MUC5B: variants seen among roughly 807,000 people sequenced by gnomAD.
MUC5B encodes mucin 5B, oligomeric mucus/gel-forming.
In MUC5B, 116 loss-of-function variants were observed where a neutral mutation model predicts 376.9. The ratio of observed to expected loss-of-function variants is 0.31; its 90% CI spans 0.26 to 0.36. MUC5B has a LOEUF of 0.36. MUC5B is among the 10% of genes least tolerant of loss of function. MUC5B has a pLI of 1.00. For synonymous variants in MUC5B, 3,517 were observed against 3,390.9 expected (o/e 1.04, Z -1.29); for missense variants, 7,165 against 7,769.9 (o/e 0.92, Z 2.93).
chr11:1,250,719 C>T lies in MUC5B; in HGVS notation c.13839C>T (p.Leu4613=), dbSNP rs762674347. 1 of 1,612,326 alleles carries T rather than the reference C, an allele frequency of 6.2e-7. No homozygotes were observed. Among genetic ancestry groups the T allele is most frequent in the Admixed American group, 1.7e-5 (1 of 59,978 alleles). ...CCTCCTCCAGCCCAGGGACGGCACTCACGCCTCCAGTGTGGATCAGCACAA... is the reference window on the plus strand; with the variant it reads ...CCTCCTCCAGCCCAGGGACGGCACTTACGCCTCCAGTGTGGATCAGCACAA... ...ATPSSSPGTA[L]TPPVWISTTT... The change falls in exon 31 of 49, where the codon CTC becomes CTT. Residue 4613 remains leucine, a synonymous_variant. Coordinates refer to ENST00000529681, the MANE Select transcript of MUC5B (RefSeq NM_002458.3).
rs2943531 is a variant in MUC5B, at chr11:1,246,730, A to G, written c.9850A>G (p.Thr3284Ala). 1,211,578 of 1,591,676 alleles carry G rather than the reference A, an allele frequency of 0.76. 475,772 individuals are homozygous for G. Among genetic ancestry groups the G allele is most frequent in the East Asian group, 0.98 (43,645 of 44,610 alleles). Residue 3284 changes from threonine to alanine, a missense_variant, in exon 31 of 49, where the codon ACC (threonine) becomes GCC (alanine). This residue lies in a region of MUC5B where 939 missense variants were observed against 770.6 expected (regional missense o/e 1.22). Transcript: ENST00000529681. ...VHTSTVLTTT[T>A]TTTRATGSVA... Reference sequence around the variant, plus strand: ...CACCTCCACAGTGCTTACCACCACGACCACCACAACCAGGGCCACCGGCTC... The same window carrying G: ...CACCTCCACAGTGCTTACCACCACGGCCACCACAACCAGGGCCACCGGCTC...
In MUC5B at chr11:1,246,717, G is replaced by A. The variant is rs1284279535; in HGVS notation, c.9837G>A (p.Val3279=). Residue 3279 remains valine (V), a synonymous_variant, in exon 31 of 49, where the codon GTG becomes GTA. Coordinates refer to ENST00000529681, the MANE Select transcript of MUC5B (RefSeq NM_002458.3). The part of the protein sequence containing the change: ...STPETVHTST[V]LTTTTTTTRA... ...CAGAGACTGTCCACACCTCCACAGT[G>A]CTTACCACCACGACCACCACAACCA... 3 of 1,609,322 alleles carry A rather than the reference G, an allele frequency of 1.9e-6. No individual in the cohort carries two copies. The highest frequency in any genetic ancestry group is 1.7e-5 in the Admixed American group (1 of 59,872).
rs553728081 is a variant in MUC5B at position 1,261,573 on chromosome 11, C to A, written c.17254C>A (p.Arg5752Ser). 1.9e-6 allele frequency: 3 copies of A among 1,607,608 alleles called. No individual in the cohort carries two copies. The highest frequency in any genetic ancestry group is 4.5e-5 in the East Asian group (2 of 44,626). ...VPAPMAPPHTRGFPAQEATAV is the reference protein window; with the variant it reads ...VPAPMAPPHTSGFPAQEATAV ...TGCGCCCATGGCTCCCCCACACACC[C>A]GTGGCTTCCCGGCCCAGGAGGCCAC... The change falls in exon 49 of 49, where the codon CGT (arginine) becomes AGT (serine). Residue 5752 changes from arginine to serine, a missense_variant. This residue lies in a region of MUC5B where 842 missense variants were observed against 1,016.9 expected (regional missense o/e 0.83). Coordinates refer to ENST00000529681, the MANE Select transcript of MUC5B (RefSeq NM_002458.3).
chr11:1,231,189 C>T (rs1460898909), intron 13 of MUC5B, among the ~76,000 whole-genome samples, 184 bp downstream of exon 13: 1 of 152,188 alleles, frequency 6.6e-6, no homozygotes, highest in Non-Finnish European at 1.5e-5. Context: ...CCGGCAGCGG[C>T]AGGGACCCCA....
At chr11:1,239,623 TG>T (rs962022596) in intron 27 of MUC5B, 57 bp downstream of exon 27, 7 of 1,525,442 alleles carry the variant, frequency 4.6e-6, no homozygotes, top group Middle Eastern at 1.8e-4. Flanking sequence ...CGAGTGTACG[TG>T]GGGGGGCGGG....
chr11:1,252,520 G>A lies in MUC5B; in HGVS notation c.15041G>A (p.Arg5014Gln), dbSNP rs527496621. 56 of 1,545,270 alleles carry A rather than the reference G, an allele frequency of 3.6e-5. No individual in the cohort carries two copies. The highest frequency in any genetic ancestry group is 4.1e-5 in the African/African-American group (3 of 73,148). Residue 5014 changes from arginine to glutamine, a missense_variant, in exon 32 of 49, where the codon CGG becomes CAG. By Grantham distance (43) the Arg-to-Gln change is conservative. Around this residue, in one of 31 missense-constraint regions of MUC5B, gnomAD observed 842 missense variants for 1,016.9 expected, o/e 0.83. Transcript: ENST00000529681. Reference protein sequence around the residue: ...APGCDNAIPLRQVNETWTLEN... With the variant: ...APGCDNAIPLQQVNETWTLEN... ...GGCTGTGACAATGCCATCCCTCTCC[G>A]GCAGGTGGGCCCCGCCTGCCCTCCA...
chr11:1,246,568 A>C lies in MUC5B; in HGVS notation c.9688A>C (p.Thr3230Pro), dbSNP rs1862476145. The change falls in exon 31 of 49, where the codon ACC becomes CCC. Residue 3230 changes from threonine to proline, a missense_variant. Physicochemically the swap from Thr to Pro is conservative, Grantham distance 38. This residue lies in a region of MUC5B where 939 missense variants were observed against 770.6 expected (regional missense o/e 1.22). Coordinates refer to ENST00000529681, the MANE Select transcript of MUC5B (RefSeq NM_002458.3). ...CCTTCCAGCACTGAGAAGCACAGCC[A>C]CCACACCCACAGCTACCAGCGTTAC... ...TALPALRSTA[T>P]TPTATSVTAI... The C allele has an allele frequency of 6.2e-7, 1 of 1,613,180 alleles. No individual in the cohort carries two copies. The highest frequency in any genetic ancestry group is 1.7e-5 in the Admixed American group (1 of 59,950).
chr11:1,242,205 C>A lies in MUC5B; in HGVS notation c.5325C>A (p.Thr1775=). The A allele has an allele frequency of 6.2e-7, 1 of 1,613,652 alleles. No homozygotes were observed. Among genetic ancestry groups the A allele is most frequent in the Non-Finnish European group, 8.5e-7 (1 of 1,179,876 alleles). Residue 1775 remains threonine, a synonymous_variant, in exon 31 of 49, where the codon ACC becomes ACA. Transcript: ENST00000529681. ...CGACAATGAGCCCCTTGACTAACAC[C>A]ACCACCAGCCAGGGCACGACCCGCT... ...TETTMSPLTN[T]TTSQGTTRCQ...
At position 1,251,463 on chromosome 11, in the gene MUC5B, C is replaced by T. The variant is rs371188165; in HGVS notation, c.14583C>T (p.Thr4861=). 171 of 1,611,936 alleles carry T rather than the reference C, an allele frequency of 1.1e-4. No individual in the cohort carries two copies. The African/African-American group carries it at 1.7e-3, about 16-fold the overall frequency. Residue 4861 remains threonine (T), a synonymous_variant, in exon 31 of 49, where the codon ACC becomes ACT. Transcript: ENST00000529681. ...CTATAGCCACCGTGATGGTGCCCAC[C>T]GGTTCCACGGCCACCGCCTCCTCCA... is the stretch of plus-strand genomic sequence containing the variant. The part of the protein sequence containing the change: ...PSTIATVMVP[T]GSTATASSTL...
Position 1,227,315 on chromosome 11 carries a change from T to C in MUC5B, c.584T>C (p.Leu195Pro). The C allele has an allele frequency of 6.2e-7, 1 of 1,612,610 alleles. No individual in the cohort carries two copies. Among genetic ancestry groups the C allele is most frequent in the Admixed American group, 1.7e-5 (1 of 59,992 alleles). ...WNGEDSALLE[L>P]DPKYANQTCG... The stretch of plus-strand genomic sequence containing the variant: ...GCCCCTCCCCACTCTCAGCTGGAGC[T>C]GGATCCCAAATACGCCAACCAGACC... The change falls in exon 6 of 49, where the codon CTG (leucine) becomes CCG (proline). Residue 195 changes from leucine (L) to proline (P), a missense_variant. This residue lies in a region of MUC5B where 640 missense variants were observed against 733.0 expected (regional missense o/e 0.87). Transcript: ENST00000529681.
In MUC5B at chr11:1,232,770, A is replaced by G. The variant is rs1245805806; in HGVS notation, c.2065A>G (p.Thr689Ala). Residue 689 changes from threonine (T) to alanine (A), a missense_variant and splice_region_variant, in exon 17 of 49, where the codon ACC becomes GCC. Physicochemically the swap from Thr to Ala is moderately conservative, Grantham distance 58. Transcript: ENST00000529681. ...CAGCGACTGGAGGGACGGCGTCTGC[A>G]GTGAGTGCCCACGCTGGGGGTGGGA... ...QLSDWRDGVC[T>A]KYMQNCPKSQ... 2 of 1,590,520 alleles carry G rather than the reference A, an allele frequency of 1.3e-6. No homozygotes were observed. The highest frequency in any genetic ancestry group is 1.7e-6 in the Non-Finnish European group (2 of 1,166,248).
rs756096079 is a variant in MUC5B, at chr11:1,227,365, G to A, written c.634G>A (p.Gly212Ser). The change falls in exon 6 of 49, where the codon GGC (glycine) becomes AGC (serine). Residue 212 changes from glycine (G) to serine (S), a missense_variant. Around this residue, in one of 31 missense-constraint regions of MUC5B, gnomAD observed 640 missense variants for 733.0 expected, o/e 0.87. Transcript: ENST00000529681. ...QTCGLCGDFNGLPAFNEFYAH... is the reference protein window; with the variant it reads ...QTCGLCGDFNSLPAFNEFYAH... ...CTGTGGCCTGTGTGGGGACTTCAAC[G>A]GCCTCCCGGCCTTCAACGAGTTCTA... The A allele has an allele frequency of 2.0e-4, 329 of 1,612,430 alleles. 4 individuals carry two copies. In the East Asian group the frequency reaches 6.8e-3, roughly 33 times the overall value.
In MUC5B at chr11:1,246,588, C is replaced by T. The variant is rs370114727; in HGVS notation, c.9708C>T (p.Ser3236=). 3.5e-5 allele frequency: 57 copies of T among 1,613,346 alleles called. No homozygotes were observed. In the East Asian group the frequency reaches 5.8e-4, roughly 16 times the overall value. ...RSTATTPTAT[S]VTAIPSSSLG... The stretch of plus-strand genomic sequence containing the variant: ...CAGCCACCACACCCACAGCTACCAG[C>T]GTTACAGCCATCCCCTCTTCCTCCC... The change falls in exon 31 of 49, where the codon AGC becomes AGT. Residue 3236 remains serine (S), a synonymous_variant. Coordinates refer to ENST00000529681, the MANE Select transcript of MUC5B (RefSeq NM_002458.3).
rs1430653815 is a variant in MUC5B, at chr11:1,254,624, A to G, written c.15478-70A>G. 5 of 1,479,624 alleles carry G rather than the reference A, an allele frequency of 3.4e-6. No homozygotes were observed. The East Asian group carries it at 1.2e-4, about 35-fold the overall frequency. The allele number at this position is 1,479,624 out of a possible 1,614,324, so 91.7% of individuals were successfully genotyped here. Reference sequence around the variant, plus strand: ...CTCTGCACATGGAGGCAGAGCCCCAAAGAGAAGCCCTGCTCCCCGAGCCCA... The same window carrying G: ...CTCTGCACATGGAGGCAGAGCCCCAGAGAGAAGCCCTGCTCCCCGAGCCCA... On this transcript the variant is annotated intron_variant, in intron 34 of 48. Transcript: ENST00000529681.
chr11:1,232,420 C>A, intron 15 of MUC5B, 30 bp from the exon 16 acceptor site: 1 of 1,570,120 alleles, frequency 6.4e-7, no homozygotes, highest in Non-Finnish European at 8.6e-7. Context: ...CGGGGCAGGG[C>A]GTGGAGATGA....
chr11:1,225,703 G>C lies in MUC5B; in HGVS notation c.93G>C (p.Pro31=), dbSNP rs770177378. The part of the protein sequence containing the change: ...PQAETQGPVE[P]SWENAGHTMD... ...CAGAGACCCAGGGCCCTGTGGAGCCGAGCTGGGAGAATGCAGGGCACACCA... is the reference window on the plus strand; with the variant it reads ...CAGAGACCCAGGGCCCTGTGGAGCCCAGCTGGGAGAATGCAGGGCACACCA... Residue 31 remains proline (P), a synonymous_variant, in exon 2 of 49, where the codon CCG becomes CCC. Transcript: ENST00000529681. The C allele has an allele frequency of 6.2e-6, 10 of 1,605,734 alleles. No homozygotes were observed. Among genetic ancestry groups the C allele is most frequent in the Non-Finnish European group, 8.5e-6 (10 of 1,176,836 alleles).
rs757200827 is a variant in MUC5B, at chr11:1,249,861, C to A, written c.12981C>A (p.Pro4327=). 2 of 1,613,654 alleles carry A rather than the reference C, an allele frequency of 1.2e-6. No individual in the cohort carries two copies. Among genetic ancestry groups the A allele is most frequent in the East Asian group, 4.5e-5 (2 of 44,878 alleles). Residue 4327 remains proline (P), a synonymous_variant, in exon 31 of 49, where the codon CCC becomes CCA. Coordinates refer to ENST00000529681, the MANE Select transcript of MUC5B (RefSeq NM_002458.3). ...CAGCTACCAGCGTTACACCCATCCCCTCCTCCACCCTTGGGACCACCGGGA... is the reference window on the plus strand; with the variant it reads ...CAGCTACCAGCGTTACACCCATCCCATCCTCCACCCTTGGGACCACCGGGA... ...KSTATSVTPI[P]SSTLGTTGTL...
rs745342274 is a variant in MUC5B, at chr11:1,243,624, G to A, written c.6744G>A (p.Ser2248=). 7 of 1,609,434 alleles carry A rather than the reference G, an allele frequency of 4.3e-6. No individual in the cohort carries two copies. Among genetic ancestry groups the A allele is most frequent in the African/African-American group, 1.3e-5 (1 of 74,260 alleles). Residue 2248 remains serine (S), a synonymous_variant, in exon 31 of 49, where the codon TCG becomes TCA. Transcript: ENST00000529681. ...LAATTGTTQH[S]TPALSSPHPS... Reference sequence around the variant, plus strand: ...CAACCACCGGTACCACCCAGCACTCGACTCCAGCCCTTTCCAGCCCTCACC... The same window carrying A: ...CAACCACCGGTACCACCCAGCACTCAACTCCAGCCCTTTCCAGCCCTCACC...
intron 8 of MUC5B, 101 bp downstream of exon 8, chr11:1,228,866 G>T (rs958898628): frequency 2.6e-6 from 3 of 1,134,006 alleles, no homozygotes; most frequent in Middle Eastern, 3.0e-4. Flanking sequence ...GGGGACAGGG[G>T]TGGAGGGCAG....
Sources: allele counts gnomAD v4.1 joint callset (sites outside exome capture counted in the v4.1 genomes callset), GRCh38; gene constraint gnomAD v4.1.1; regional missense constraint gnomAD v4.1.1; transcripts MANE v1.5; gene names NCBI Gene and HGNC (gene_info 2026-07-23, HGNC 2026-07-21).